Variants in GHR observed in about 807,000 individuals in gnomAD.
GHR encodes growth hormone receptor, also known as GH receptor.
In GHR, 35 loss-of-function variants were observed where a neutral mutation model predicts 67.1. The observed-to-expected ratio is 0.52, with a 90% CI of 0.40 to 0.69. The LOEUF (loss-of-function observed/expected upper bound fraction) is 0.69. Ranked by LOEUF, GHR falls within the 30% of genes least tolerant of loss-of-function variation. GHR has a pLI of 0.00. For synonymous variants in GHR, 272 were observed against 269.1 expected, an observed-to-expected ratio of 1.01 and a Z score of -0.10; for missense variants, 792 against 764.6, an observed-to-expected ratio of 1.04 and a Z score of -0.42.
chr5:42,482,039 T>C (rs1745666496), intron 1 of GHR, among the ~76,000 whole-genome samples: 2 of 152,184 alleles, frequency 1.3e-5, no homozygotes, highest in African/African-American at 4.8e-5. Context: ...TTGATGATGG[T>C]GACGTACAGA....
chr5:42,514,637 A>T (rs1747163851), intron 1 of GHR, among the ~76,000 whole-genome samples: 1 of 152,136 alleles, frequency 6.6e-6, no homozygotes, highest in South Asian at 2.1e-4. Flanking sequence ...GGGAGCTCTG[A>T]TAAGGTAATG....
intron 2 of GHR, among the ~76,000 whole-genome samples, chr5:42,618,528 T>G (rs1222955822): frequency 6.6e-6 from 1 of 152,122 alleles, no homozygotes; most frequent in African/African-American, 2.4e-5. Flanking sequence ...GGTTGCTCCT[T>G]TCAACAGACT....
At chr5:42,683,109 C>T (rs1756969466) in intron 3 of GHR, among the ~76,000 whole-genome samples, 1 of 152,162 alleles carries the variant, frequency 6.6e-6, no homozygotes, top group Non-Finnish European at 1.5e-5. Flanking sequence ...TCAAGCAATT[C>T]TCCTGCCTCA....
intron 3 of GHR, among the ~76,000 whole-genome samples, chr5:42,660,145 C>A (rs902115731): frequency 1.3e-5 from 2 of 152,326 alleles, no homozygotes; most frequent in Non-Finnish European, 2.9e-5. Context: ...CTCAAGGAGG[C>A]CTGCCTGCCT....
At chr5:42,540,675 C>T (rs1748467288) in intron 1 of GHR, among the ~76,000 whole-genome samples, 1 of 151,982 alleles carries the variant, frequency 6.6e-6, no homozygotes, top group Non-Finnish European at 1.5e-5. Flanking sequence ...CCCCTGTCCC[C>T]ACCCATCCCC....
intron 1 of GHR, among the ~76,000 whole-genome samples, chr5:42,432,274 C>T (rs1460376759): frequency 6.6e-6 from 1 of 152,144 alleles, no homozygotes; most frequent in Non-Finnish European, 1.5e-5. Flanking sequence ...TCTTTTAAAA[C>T]TTTGAATTGC....
In GHR at chr5:42,508,864, G is replaced by A. The variant is rs150769884; in HGVS notation, c.-11-57000G>A. Among the ~76,000 whole-genome samples the A allele has an allele frequency of 2.3e-4, 35 of 152,222 alleles. 1 individual carries two copies. The East Asian group carries it at 4.8e-3, about 21-fold the overall frequency. Reference sequence around the variant, plus strand: ...GCTGGGATTACAGGCGTGAGCCACCGCGCCCAACCAGAAGTTTGTGTTTGA... The same window carrying A: ...GCTGGGATTACAGGCGTGAGCCACCACGCCCAACCAGAAGTTTGTGTTTGA... On this transcript the variant is annotated intron_variant, in intron 1 of 9. Coordinates refer to ENST00000230882, the MANE Select transcript of GHR (RefSeq NM_000163.5).
In GHR at chr5:42,548,598, C is replaced by G. The variant is rs886287537; in HGVS notation, c.-11-17266C>G. 2.8e-5 allele frequency: 17 copies of G among 617,292 alleles called. 2 individuals carry two copies. In the South Asian group the frequency reaches 7.2e-4, roughly 26 times the overall value. 38.2% of individuals were successfully genotyped at this position (617,292 alleles called of 1,614,324 possible). A position where few individuals can be genotyped will look rare whatever the true frequency, so the allele number is the denominator to read the frequency against. On this transcript the variant is annotated intron_variant, in intron 1 of 9. Coordinates refer to ENST00000230882, the MANE Select transcript of GHR (RefSeq NM_000163.5). ...GATAGTCAGGGTTTTTTTTTTCTTACTTTTGCATTTTTTAGATATAAATCT... is the reference window on the plus strand; with the variant it reads ...GATAGTCAGGGTTTTTTTTTTCTTAGTTTTGCATTTTTTAGATATAAATCT...
At chr5:42,457,883 TA>T (rs1579733932) in intron 1 of GHR, among the ~76,000 whole-genome samples, 1 of 152,186 alleles carries the variant, frequency 6.6e-6, no homozygotes, top group East Asian at 1.9e-4. Context: ...AACTACTTAC[TA>T]GCCACATGAA....
intron 1 of GHR, among the ~76,000 whole-genome samples, chr5:42,516,270 C>T (rs1299634226): frequency 1.3e-5 from 2 of 152,148 alleles, no homozygotes; most frequent in South Asian, 2.1e-4. Context: ...TTTTCTCAAG[C>T]ATAGCAGAAA....
intron 1 of GHR, chr5:42,467,690 T>G: frequency 6.3e-7 from 1 of 1,586,696 alleles, no homozygotes; most frequent in Non-Finnish European, 8.6e-7. Flanking sequence ...GCACTCTGAA[T>G]GAAGGCCTTC....
At chr5:42,546,583 G>A (rs928171802) in intron 1 of GHR, among the ~76,000 whole-genome samples, 1 of 152,234 alleles carries the variant, frequency 6.6e-6, no homozygotes, top group Non-Finnish European at 1.5e-5. Context: ...AATGGGAAGA[G>A]TGAAAGTTGG....
chr5:42,667,465 C>T lies in GHR; in HGVS notation c.137-21425C>T, dbSNP rs566715678. Among the ~76,000 whole-genome samples, 3 of 152,244 alleles carry T rather than the reference C, an allele frequency of 2.0e-5. No individual in the cohort carries two copies. In the South Asian group the frequency reaches 6.2e-4, roughly 32 times the overall value. ...TAATATAACATAGAAGCTCATTGTT[C>T]TAATAAGTGGTCCCCAATGTTGGCT... On this transcript the variant is annotated intron_variant, in intron 3 of 9. Coordinates refer to ENST00000230882, the MANE Select transcript of GHR (RefSeq NM_000163.5).
chr5:42,718,406 A>G (rs1208066217), intron 9 of GHR, 47 bp from the exon 10 acceptor site: 6 of 1,355,258 alleles, frequency 4.4e-6, no homozygotes, highest in Middle Eastern at 3.6e-4. Flanking sequence ...TCATTTAATT[A>G]TTATGAGTTT....
At chr5:42,496,299 C>T (rs1163092366) in intron 1 of GHR, among the ~76,000 whole-genome samples, 1 of 152,156 alleles carries the variant, frequency 6.6e-6, no homozygotes, top group Non-Finnish European at 1.5e-5. Context: ...GTATTGTCAA[C>T]CAATTCAGTG....
intron 1 of GHR, among the ~76,000 whole-genome samples, chr5:42,487,161 C>T (rs1439059603): frequency 6.6e-6 from 1 of 152,192 alleles, no homozygotes; most frequent in Non-Finnish European, 1.5e-5. Context: ...ATGATGTTCT[C>T]CTTACTTAAG....
chr5:42,501,281 G>C (rs1746530582), intron 1 of GHR, among the ~76,000 whole-genome samples: 1 of 152,160 alleles, frequency 6.6e-6, no homozygotes, highest in Non-Finnish European at 1.5e-5. Context: ...GAAGTGTCAA[G>C]CTGTCATGCT....
At chr5:42,576,520 C>T (rs149138413) in intron 2 of GHR, among the ~76,000 whole-genome samples, 76 of 152,250 alleles carry the variant, frequency 5.0e-4, no homozygotes, top group African/African-American at 1.7e-3. Context: ...GTTATTATTG[C>T]AAGCCCTGAG....
chr5:42,600,221 TA>T (rs1380572279), intron 2 of GHR, among the ~76,000 whole-genome samples: 1 of 152,314 alleles, frequency 6.6e-6, no homozygotes, highest in East Asian at 1.9e-4. Context: ...TGGGATCTTC[TA>T]GGAAAGTAGA....
Sources: allele counts gnomAD v4.1 joint callset (sites outside exome capture counted in the v4.1 genomes callset), GRCh38; gene constraint gnomAD v4.1.1; transcripts MANE v1.5; gene names NCBI Gene and HGNC (gene_info 2026-07-23, HGNC 2026-07-21).